Variants in ZNF605 observed in about 807,000 individuals in gnomAD.
ZNF605 encodes the protein zinc finger protein 605.
A neutral mutation model predicts 7.9 loss-of-function variants in ZNF605; 9 were observed. The observed-to-expected ratio is 1.14, with a 90% CI of 0.68 to 1.98. The LOEUF is 1.98. ZNF605 is among the 30% of genes most tolerant of loss of function. The pLI is 0.00. For missense variants in ZNF605, 673 were observed against 762.4 expected, an observed-to-expected ratio of 0.88 and a Z score of 1.38; for synonymous variants, 255 against 260.1, an observed-to-expected ratio of 0.98 and a Z score of 0.19.
rs1390956439 is a variant in ZNF605, at chr12:132,922,526, T to A, written c.*2847A>T. 6.6e-6 allele frequency: 1 copy of A among 152,244 alleles called. No individual in the cohort carries two copies. The highest frequency in any genetic ancestry group is 1.5e-5 in the Non-Finnish European group (1 of 68,048). The allele number at this position is 152,244 out of a possible 1,614,324, so 9.4% of individuals were successfully genotyped here. On this transcript the variant is annotated 3_prime_UTR_variant, in exon 5 of 5. Coordinates refer to ENST00000360187, the MANE Select transcript of ZNF605 (RefSeq NM_183238.4). Reference sequence around the variant, plus strand: ...TCTTGAGACATTTCAGCCTATGCACTATGCGGCACTTGTACTGATAACTGA... The same window carrying A: ...TCTTGAGACATTTCAGCCTATGCACAATGCGGCACTTGTACTGATAACTGA...
chr12:132,936,947 T>C (rs1401582028), intron 3 of ZNF605, among the ~76,000 whole-genome samples: 2 of 152,106 alleles, frequency 1.3e-5, no homozygotes, highest in African/African-American at 2.4e-5. Context: ...TAAGAGAAAA[T>C]TATTTGCAAA....
chr12:132,928,321 C>T (rs898931907), intron 4 of ZNF605, among the ~76,000 whole-genome samples: 8 of 152,042 alleles, frequency 5.3e-5, no homozygotes, highest in Admixed American at 1.3e-4. Flanking sequence ...TATTCTTATT[C>T]GGGATCATTA....
intron 1 of ZNF605, among the ~76,000 whole-genome samples, chr12:132,954,539 C>G (rs1369747717): frequency 1.8e-5 from 2 of 109,304 alleles, no homozygotes; most frequent in Non-Finnish European, 3.9e-5. Context: ...GTGCCCAAGT[C>G]AGGCGCTCAC....
intron 3 of ZNF605, among the ~76,000 whole-genome samples, chr12:132,943,560 C>G (rs1161400110): frequency 3.9e-5 from 6 of 152,114 alleles, no homozygotes; most frequent in African/African-American, 1.4e-4. Flanking sequence ...CAGGCACCTG[C>G]ACTCCAGTCT....
At position 132,945,630 on chromosome 12, in the gene ZNF605, G is replaced by T. The variant is rs1419945371; in HGVS notation, c.6C>A (p.Ile2=). The change falls in exon 3 of 5, where the codon ATC becomes ATA. Residue 2 remains isoleucine, a synonymous_variant. Coordinates refer to ENST00000360187, the MANE Select transcript of ZNF605 (RefSeq NM_183238.4). ...TAAACCGATAACCCACCTGTGACTG[G>T]ATCATTTTCCGCTGCTCTTGGGAAA... M[I]QSQISFEDVA... is the part of the protein sequence containing the mutation. 2.5e-6 allele frequency: 4 copies of T among 1,613,912 alleles called. No homozygotes were observed. In the African/African-American group the frequency reaches 5.3e-5, roughly 22 times the overall value.
At chr12:132,943,522 G>A (rs1044583349) in intron 3 of ZNF605, among the ~76,000 whole-genome samples, 84 of 152,166 alleles carry the variant, frequency 5.5e-4, no homozygotes, top group East Asian at 4.3e-3. Flanking sequence ...GTCAGGGGTC[G>A]TGATCTCACA....
chr12:132,932,563 T>A (rs1952318745), intron 4 of ZNF605: 1 of 573,664 alleles, frequency 1.7e-6, no homozygotes. Context: ...AGCACATCCA[T>A]TAAAACTCAT....
At chr12:132,937,626 T>C (rs1200820221) in intron 3 of ZNF605, among the ~76,000 whole-genome samples, 1 of 152,170 alleles carries the variant, frequency 6.6e-6, no homozygotes, top group African/African-American at 2.4e-5. Context: ...TTTGAAAACA[T>C]TTTGGCAGTT....
At chr12:132,950,994 ACG>A (rs1275744987) in intron 1 of ZNF605, among the ~76,000 whole-genome samples, 1 of 151,962 alleles carries the variant, frequency 6.6e-6, no homozygotes, top group South Asian at 2.1e-4. Flanking sequence ...TGTACATCAC[ACG>A]CAGACATGTA....
intron 1 of ZNF605, among the ~76,000 whole-genome samples, chr12:132,950,020 T>C (rs1952540840): frequency 6.6e-6 from 1 of 151,518 alleles, no homozygotes; most frequent in Admixed American, 6.6e-5. Context: ...CTGAGACGCC[T>C]GGGAGCTCCT....
At chr12:132,952,228 G>A (rs772246394) in intron 1 of ZNF605, among the ~76,000 whole-genome samples, 2 of 151,856 alleles carry the variant, frequency 1.3e-5, no homozygotes, top group African/African-American at 2.4e-5. Context: ...AGGCTGAGGC[G>A]GTAGGCAGAT....
Position 132,945,640 on chromosome 12 carries a change from C to T in ZNF605, c.-5G>A, listed in dbSNP as rs1040978575. 3.7e-6 allele frequency: 6 copies of T among 1,613,980 alleles called. No individual in the cohort carries two copies. Among genetic ancestry groups the T allele is most frequent in the South Asian group, 2.2e-5 (2 of 91,076 alleles). ...ACCCACCTGTGACTGGATCATTTTCCGCTGCTCTTGGGAAATCTGCTGTTT... is the reference window on the plus strand; with the variant it reads ...ACCCACCTGTGACTGGATCATTTTCTGCTGCTCTTGGGAAATCTGCTGTTT... On this transcript the variant is annotated 5_prime_UTR_variant, in exon 3 of 5. Transcript: ENST00000360187.
chr12:132,945,858 G>A, intron 2 of ZNF605, 61 bp from the exon 3 acceptor site: 1 of 661,926 alleles, frequency 1.5e-6, no homozygotes, highest in Non-Finnish European at 2.6e-6. Flanking sequence ...CCTAAATCTT[G>A]GTGTTCTCTT....
Position 132,922,022 on chromosome 12 carries a change from TGTGGATTC to T in ZNF605, c.*3343_*3350del, listed in dbSNP as rs1370330820. 2.6e-5 allele frequency: 4 copies of T among 152,254 alleles called. No individual in the cohort carries two copies. The highest frequency in any genetic ancestry group is 9.6e-5 in the African/African-American group (4 of 41,464). 9.4% of individuals were successfully genotyped at this position (152,254 alleles called of 1,614,324 possible). On this transcript the variant is annotated 3_prime_UTR_variant, in exon 5 of 5. Transcript: ENST00000360187. ...CGGTGAGAACTGATGGGAAAGGTGGTGTGGATTCGTGGACGAAGTCTCTAACGTAATCT... is the reference window on the plus strand; with the variant it reads ...CGGTGAGAACTGATGGGAAAGGTGGTGTGGACGAAGTCTCTAACGTAATCT...
Position 132,926,460 on chromosome 12 carries a change from G to C in ZNF605, c.839C>G (p.Pro280Arg), listed in dbSNP as rs1434194329. The change falls in exon 5 of 5, where the codon CCC becomes CGC. Residue 280 changes from proline to arginine, a missense_variant. Pro to Arg is a moderately radical substitution (Grantham distance 103, BLOSUM62 -2). Coordinates refer to ENST00000360187, the MANE Select transcript of ZNF605 (RefSeq NM_183238.4). The stretch of plus-strand genomic sequence containing the variant: ...TTTCCCACACTCACTGCAACTGTAG[G>C]GTTTCTCTATTGTGTGCGTTATCTG... ...RHQITHTIEK[P>R]YSCSECGKAF... The C allele has an allele frequency of 4.3e-6, 7 of 1,613,914 alleles. No individual in the cohort carries two copies. Among genetic ancestry groups the C allele is most frequent in the Non-Finnish European group, 5.9e-6 (7 of 1,180,026 alleles).
At position 132,945,739 on chromosome 12, in the gene ZNF605, G is replaced by T; in HGVS notation, c.-104C>A. 1.3e-6 allele frequency: 2 copies of T among 1,527,986 alleles called. No homozygotes were observed. The highest frequency in any genetic ancestry group is 1.8e-6 in the Non-Finnish European group (2 of 1,101,846). 94.7% of individuals were successfully genotyped at this position (1,527,986 alleles called of 1,614,324 possible). ...TCTGTAAACTGAGAATACATCCTTG[G>T]TCTTGTGGGCTCTTCTTTCTTATCT... is the stretch of plus-strand genomic sequence containing the variant. On this transcript the variant is annotated 5_prime_UTR_variant, in exon 3 of 5. Transcript: ENST00000360187.
intron 1 of ZNF605, among the ~76,000 whole-genome samples, chr12:132,951,737 C>T (rs1393018436): frequency 6.8e-6 from 1 of 146,514 alleles, no homozygotes; most frequent in Non-Finnish European, 1.5e-5. Context: ...ACATACATGA[C>T]ACATACACAT....
Position 132,939,100 on chromosome 12 carries a change from G to A in ZNF605, c.16-5945C>T, listed in dbSNP as rs983466961. ...CGAGCACCACCCCCTGCTCCACGGC[G>A]CCCAGTCCCATCGACCACCCAAGGG... On this transcript the variant is annotated intron_variant, in intron 3 of 4. Coordinates refer to ENST00000360187, the MANE Select transcript of ZNF605 (RefSeq NM_183238.4). 8.7e-4 allele frequency among the ~76,000 whole-genome samples: 132 copies of A among 151,918 alleles called. 2 individuals carry two copies. Among genetic ancestry groups the A allele is most frequent in the Non-Finnish European group, 1.5e-3 (103 of 67,818 alleles).
intron 4 of ZNF605, among the ~76,000 whole-genome samples, chr12:132,929,127 G>A (rs1260149243): frequency 6.6e-6 from 1 of 152,128 alleles, no homozygotes; most frequent in East Asian, 1.9e-4. Context: ...GATGAAGCAG[G>A]CTGGCTGCGG....
Sources: gnomAD v4.1 joint callset for allele counts (sites outside exome capture counted in the v4.1 genomes callset) on GRCh38, gnomAD v4.1.1 for gene constraint, MANE v1.5 for transcripts, NCBI Gene and HGNC (gene_info 2026-07-23, HGNC 2026-07-21) for gene names.